VPS13A: variants seen among roughly 807,000 people sequenced by gnomAD.
VPS13A encodes vacuolar protein sorting 13 homolog A, also known as intermembrane lipid transfer protein VPS13A.
Under a neutral mutation model 390.9 loss-of-function variants are expected in VPS13A, and 264 were observed. That is an observed-to-expected ratio of 0.68 (90% confidence interval 0.61 to 0.75). The LOEUF (loss-of-function observed/expected upper bound fraction) is 0.75. VPS13A is among the 30% of genes least tolerant of loss of function. VPS13A has a pLI of 0.00. For missense variants in VPS13A, 3,409 were observed against 3,733.9 expected (o/e 0.91, Z 2.27); for synonymous variants, 1,231 against 1,227.1 (o/e 1.00, Z -0.07).
chr9:77,234,437 T>A (rs1393272969), intron 17 of VPS13A, among the ~76,000 whole-genome samples: 2 of 152,246 alleles, frequency 1.3e-5, no homozygotes, highest in East Asian at 3.8e-4. Context: ...TCAACCCATA[T>A]GTGTCTTTGG....
At chr9:77,349,791 G>A (rs533926784) in intron 52 of VPS13A, among the ~76,000 whole-genome samples, 6 of 151,962 alleles carry the variant, frequency 3.9e-5, no homozygotes, top group East Asian at 3.9e-4. Flanking sequence ...TTACAGGTGC[G>A]CGCCACTATG....
In VPS13A at chr9:77,321,690, A is replaced by G; in HGVS notation, c.5774A>G (p.Asn1925Ser). 3 of 1,613,342 alleles carry G rather than the reference A, an allele frequency of 1.9e-6. No individual in the cohort carries two copies. Among genetic ancestry groups the G allele is most frequent in the Non-Finnish European group, 8.5e-7 (1 of 1,179,514 alleles). The stretch of plus-strand genomic sequence containing the variant: ...ATGGATTATATCCGAACCAAGGACA[A>G]TGATCATTTCAATGCAATGACCAGC... ...LSMDYIRTKD[N>S]DHFNAMTSLS... Residue 1925 changes from asparagine to serine, a missense_variant, in exon 44 of 72, where the codon AAT (asparagine) becomes AGT (serine). Physicochemically the swap from Asn to Ser is conservative, Grantham distance 46. Around this residue, in one of 5 missense-constraint regions of VPS13A, gnomAD observed 2,717 missense variants for 2,917.4 expected, o/e 0.93. Transcript: ENST00000360280.
chr9:77,302,133 T>C (rs1828405050), intron 33 of VPS13A, among the ~76,000 whole-genome samples: 1 of 151,874 alleles, frequency 6.6e-6, no homozygotes, highest in Non-Finnish European at 1.5e-5. Context: ...ACTTTTTGTA[T>C]TTTTAGTAGA....
chr9:77,220,772 G>T lies in VPS13A; in HGVS notation c.989+389G>T, dbSNP rs189306694. ...AACCTGTATTTTAAAAGCTAAAAAT[G>T]TTACGGAGTCTATGCAGGATAATCC... On this transcript the variant is annotated intron_variant, in intron 12 of 71. Coordinates refer to ENST00000360280, the MANE Select transcript of VPS13A (RefSeq NM_033305.3). 2.0e-5 allele frequency among the ~76,000 whole-genome samples: 3 copies of T among 152,134 alleles called. No individual in the cohort carries two copies. In the East Asian group the frequency reaches 5.8e-4, roughly 29 times the overall value.
Position 77,340,415 on chromosome 9 carries a change from T to A in VPS13A, c.6891T>A (p.Thr2297=), listed in dbSNP as rs777929680. The A allele has an allele frequency of 3.1e-5, 50 of 1,613,396 alleles. No homozygotes were observed. Among genetic ancestry groups the A allele is most frequent in the Non-Finnish European group, 4.2e-5 (49 of 1,179,664 alleles). ...GLKMDYQVGV[T]IDLSSFNITR... The stretch of plus-strand genomic sequence containing the variant: ...TTTTTTTTTCTTAGGTTGGTGTCAC[T>A]ATAGACCTGAGCAGTTTTAACATTA... The change falls in exon 50 of 72, where the codon ACT becomes ACA. Residue 2297 remains threonine (T), a synonymous_variant. Coordinates refer to ENST00000360280, the MANE Select transcript of VPS13A (RefSeq NM_033305.3).
In VPS13A at chr9:77,260,097, A is replaced by G; in HGVS notation, c.2300A>G (p.Tyr767Cys). ...TCTTTTCAAAACAGATTCAAGATTT[A>G]TGGAAAGTTACCTCTTATTTCTTTA... The part of the protein sequence containing the change: ...MDVRMPKFKI[Y>C]GKLPLISLRI... The change falls in exon 23 of 72, where the codon TAT (tyrosine) becomes TGT (cysteine). Residue 767 changes from tyrosine to cysteine, a missense_variant. Coordinates refer to ENST00000360280, the MANE Select transcript of VPS13A (RefSeq NM_033305.3). 6.6e-7 allele frequency: 1 copy of G among 1,514,024 alleles called. No homozygotes were observed. Among genetic ancestry groups the G allele is most frequent in the Non-Finnish European group, 9.2e-7 (1 of 1,092,676 alleles). The allele number at this position is 1,514,024 out of a possible 1,614,324, so 93.8% of individuals were successfully genotyped here.
At chr9:77,260,355 T>A in intron 23 of VPS13A, 131 bp downstream of exon 23, 3 of 706,150 alleles carry the variant, frequency 4.2e-6, no homozygotes, top group Non-Finnish European at 6.1e-6. Flanking sequence ...AAATTACTTT[T>A]TTTTTTTTTT....
intron 34 of VPS13A, among the ~76,000 whole-genome samples, chr9:77,306,414 T>TGTGTGTG (rs1828752881): frequency 2.6e-4 from 36 of 140,878 alleles, no homozygotes; most frequent in East Asian, 4.1e-4. Context: ...GTGTGTGTGT[T>TGTGTGTG]TGTGTGTGTG....
chr9:77,277,933 CA>C (rs1478238209), intron 26 of VPS13A, among the ~76,000 whole-genome samples: 1 of 152,034 alleles, frequency 6.6e-6, no homozygotes. Flanking sequence ...GGGTAAATAC[CA>C]AGGAACATGA....
intron 52 of VPS13A, among the ~76,000 whole-genome samples, chr9:77,347,305 A>AC (rs142244312): frequency 0.32 from 48,543 of 151,838 alleles, 8,205 homozygotes; most frequent in African/African-American, 0.4. Flanking sequence ...TATTGAATCT[A>AC]CCATCCATGA....
intron 29 of VPS13A, among the ~76,000 whole-genome samples, chr9:77,283,099 T>C (rs1827134375): frequency 6.6e-6 from 1 of 152,214 alleles, no homozygotes; most frequent in African/African-American, 2.4e-5. Flanking sequence ...AATTTATAGC[T>C]ACAGTGTTTT....
chr9:77,381,806 G>C (rs1454861897), intron 67 of VPS13A, among the ~76,000 whole-genome samples, 170 bp from the exon 68 acceptor site: 1 of 152,068 alleles, frequency 6.6e-6, no homozygotes, highest in African/African-American at 2.4e-5. Context: ...CTATAGTTCT[G>C]TATTTTTCTA....
Position 77,177,693 on chromosome 9 carries a change from C to T in VPS13A, c.-12C>T. ...CACGGGCCGGCTGCCGTGCCCACCA[C>T]GGCTGAGGAACATGGTTTTCGAGTC... On this transcript the variant is annotated 5_prime_UTR_variant, in exon 1 of 72. The change creates a new upstream start codon in the 5' untranslated region. Coordinates refer to ENST00000360280, the MANE Select transcript of VPS13A (RefSeq NM_033305.3). 1.9e-6 allele frequency: 3 copies of T among 1,612,360 alleles called. No homozygotes were observed. The highest frequency in any genetic ancestry group is 1.3e-5 in the African/African-American group (1 of 74,996).
At chr9:77,337,581 A>G (rs772059000) in intron 47 of VPS13A, 44 bp downstream of exon 47, 1 of 1,580,962 alleles carries the variant, frequency 6.3e-7, no homozygotes, top group South Asian at 1.2e-5. Context: ...TTGATTTTGT[A>G]GTTTCAGTTT....
chr9:77,344,619 C>T (rs897528190), intron 51 of VPS13A, among the ~76,000 whole-genome samples: 4 of 151,832 alleles, frequency 2.6e-5, no homozygotes, highest in Admixed American at 6.6e-5. Flanking sequence ...ATTAGCCGGG[C>T]GTGGTGGCGG....
intron 32 of VPS13A, 107 bp from the exon 33 acceptor site, chr9:77,295,435 C>G (rs976360941): frequency 1.0e-6 from 1 of 954,072 alleles, no homozygotes; most frequent in African/African-American, 1.7e-5. Flanking sequence ...TTGGTTGTAT[C>G]AAGTAAAAGT....
Position 77,293,483 on chromosome 9 carries a change from TC to T in VPS13A, c.3483del (p.Thr1162ArgfsTer11). The T allele has an allele frequency of 6.3e-7, 1 of 1,590,488 alleles. No homozygotes were observed. Among genetic ancestry groups the T allele is most frequent in the Non-Finnish European group, 8.6e-7 (1 of 1,168,382 alleles). ...GTTGGTTGCATTGAAGTAGTTTTTG[TC>T]ACGAAATTTCTATATTCTATATTGG... ...LIVGCIEVVF[V>X]TKFLYSILAF... On this transcript the variant is annotated frameshift_variant, in exon 32 of 72. Transcript: ENST00000360280. LOFTEE classifies it high-confidence loss of function.
intron 34 of VPS13A, among the ~76,000 whole-genome samples, chr9:77,304,709 A>T (rs1828609740): frequency 6.6e-6 from 1 of 152,140 alleles, no homozygotes; most frequent in South Asian, 2.1e-4. Flanking sequence ...TGCTTCAAAG[A>T]TCTCTCATGG....
At chr9:77,411,012 T>G (rs1834892832) in intron 71 of VPS13A, among the ~76,000 whole-genome samples, 1 of 152,190 alleles carries the variant, frequency 6.6e-6, no homozygotes, top group Non-Finnish European at 1.5e-5. Context: ...ACTGCACTTA[T>G]TCCAAAATTG....
Sources: gnomAD v4.1 joint callset for allele counts (sites outside exome capture counted in the v4.1 genomes callset) on GRCh38, gnomAD v4.1.1 for gene constraint, gnomAD v4.1.1 regional missense constraint, MANE v1.5 for transcripts, NCBI Gene and HGNC (gene_info 2026-07-23, HGNC 2026-07-21) for gene names.